Variants in GRIN2B observed in about 807,000 individuals in gnomAD.
The protein encoded by GRIN2B is glutamate receptor ionotropic, NMDA 2B.
GRIN2B carries 5 observed loss-of-function variants against 114.5 expected under a neutral mutation model. That is an observed-to-expected ratio of 0.04 (90% CI 0.02 to 0.09). The LOEUF is 0.09. Ranked by LOEUF, GRIN2B falls within the 10% of genes least tolerant of loss-of-function variation. The pLI is 1.00. For missense variants in GRIN2B, 1,108 were observed against 1,943.5 expected (o/e 0.57, Z 8.08); for synonymous variants, 787 against 745.1 (o/e 1.06, Z -0.92).
chr12:13,730,647 T>C (rs1050042809), intron 4 of GRIN2B, among the ~76,000 whole-genome samples: 1 of 152,104 alleles, frequency 6.6e-6, no homozygotes, highest in African/African-American at 2.4e-5. Flanking sequence ...TTAAGTTTCT[T>C]CCCCACCAAA....
rs1459772082 is a variant in GRIN2B, at chr12:13,780,942, A to G, written c.412-27027T>C. Among the ~76,000 whole-genome samples, 7 of 152,172 alleles carry G rather than the reference A, an allele frequency of 4.6e-5. No homozygotes were observed. In the South Asian group the frequency reaches 8.3e-4, roughly 18 times the overall value. ...ATGGAATAAATTTTATAGATGTAGT[A>G]TGAAACTATATTTTATTTTTCTTAA... On this transcript the variant is annotated intron_variant, in intron 3 of 13. Coordinates refer to ENST00000609686, the MANE Select transcript of GRIN2B (RefSeq NM_000834.5).
At position 13,961,164 on chromosome 12, in the gene GRIN2B, A is replaced by G. The variant is rs1044819879; in HGVS notation, c.-19+18764T>C. On this transcript the variant is annotated intron_variant, in intron 2 of 13. Coordinates refer to ENST00000609686, the MANE Select transcript of GRIN2B (RefSeq NM_000834.5). ...TATGCCTGCAAGTGGGTGGGTCAGT[A>G]CTGGAGAAGCTGAATTCCAGTTCGA... Among the ~76,000 whole-genome samples the G allele has an allele frequency of 7.2e-5, 11 of 152,066 alleles. No individual in the cohort carries two copies. In the East Asian group the frequency reaches 1.7e-3, roughly 24 times the overall value.
At chr12:13,806,043 T>C (rs1158144850) in intron 3 of GRIN2B, among the ~76,000 whole-genome samples, 1 of 152,200 alleles carries the variant, frequency 6.6e-6, no homozygotes, top group African/African-American at 2.4e-5. Flanking sequence ...ATCCATGTTA[T>C]TGTAAATGAC....
rs138700951 is a variant in GRIN2B at position 13,620,891 on chromosome 12, A to C, written c.1126-4234T>G. ...ATTTTTTTTTTTCGTTTCTTCAAGG[A>C]AATGAAAAAAAAATAAGAGGGAAAG... On this transcript the variant is annotated intron_variant, in intron 5 of 13. Coordinates refer to ENST00000609686, the MANE Select transcript of GRIN2B (RefSeq NM_000834.5). Among the ~76,000 whole-genome samples, 273 of 151,830 alleles carry C rather than the reference A, an allele frequency of 1.8e-3. 2 individuals carry two copies. The highest frequency in any genetic ancestry group is 6.3e-3 in the African/African-American group (261 of 41,408).
chr12:13,906,944 A>C (rs1038056849), intron 2 of GRIN2B, among the ~76,000 whole-genome samples: 12 of 152,254 alleles, frequency 7.9e-5, no homozygotes, highest in African/African-American at 2.2e-4. Context: ...AAGATACAGC[A>C]TACTAGGTTA....
chr12:13,913,596 C>G lies in GRIN2B; in HGVS notation c.-18-47370G>C, dbSNP rs138603530. Among the ~76,000 whole-genome samples, 16 of 152,292 alleles carry G rather than the reference C, an allele frequency of 1.1e-4. 1 individual carries two copies. The East Asian group carries it at 3.1e-3, about 29-fold the overall frequency. ...TGTCTGCTTGTCTGCAATATGCCAC[C>G]TGCAGGTGAGTTTTGTCTGGGCTTC... On this transcript the variant is annotated intron_variant, in intron 2 of 13. Transcript: ENST00000609686.
rs571934350 is a variant in GRIN2B, at chr12:13,645,535, C to T, written c.1126-28878G>A. Reference sequence around the variant, plus strand: ...AAATGGCAGCTGTAGACTTGCTCTACCCAGGACTGCCACAAATGCTCAATT... The same window carrying T: ...AAATGGCAGCTGTAGACTTGCTCTATCCAGGACTGCCACAAATGCTCAATT... On this transcript the variant is annotated intron_variant, in intron 5 of 13. Transcript: ENST00000609686. Among the ~76,000 whole-genome samples the T allele has an allele frequency of 3.3e-5, 5 of 152,136 alleles. No homozygotes were observed. In the East Asian group the frequency reaches 9.7e-4, roughly 29 times the overall value.
intron 5 of GRIN2B, among the ~76,000 whole-genome samples, chr12:13,655,585 C>T (rs768176351): frequency 9.8e-5 from 15 of 152,286 alleles, no homozygotes; most frequent in Non-Finnish European, 1.5e-5. Context: ...CTCTGGAATT[C>T]GACTGCATGG....
chr12:13,830,454 G>A (rs761384165), intron 3 of GRIN2B, among the ~76,000 whole-genome samples: 57 of 152,180 alleles, frequency 3.7e-4, no homozygotes, highest in Non-Finnish European at 7.4e-4. Flanking sequence ...GAACATGAGA[G>A]TCATAGAGAA....
chr12:13,845,297 TA>T (rs1769765945), intron 3 of GRIN2B, among the ~76,000 whole-genome samples: 1 of 152,196 alleles, frequency 6.6e-6, no homozygotes, highest in Non-Finnish European at 1.5e-5. Flanking sequence ...CAAATGTCAT[TA>T]ATATTAACTT....
intron 4 of GRIN2B, among the ~76,000 whole-genome samples, chr12:13,710,407 G>C (rs988173520): frequency 2.1e-4 from 32 of 152,030 alleles, no homozygotes; most frequent in Admixed American, 1.1e-3. Flanking sequence ...GGAAATAAAG[G>C]GTATTCAATT....
chr12:13,551,403 G>T lies in GRIN2B; in HGVS notation c.*11380C>A, dbSNP rs1948411696. Reference sequence around the variant, plus strand: ...CAACAGGACCTTAGAAGGCCACATGGATTCCATAGGGTAAAATGGGAAAAT... The same window carrying T: ...CAACAGGACCTTAGAAGGCCACATGTATTCCATAGGGTAAAATGGGAAAAT... On this transcript the variant is annotated 3_prime_UTR_variant, in exon 14 of 14. Coordinates refer to ENST00000609686, the MANE Select transcript of GRIN2B (RefSeq NM_000834.5). 1 of 152,166 alleles carries T rather than the reference G, an allele frequency of 6.6e-6. No homozygotes were observed. Among genetic ancestry groups the T allele is most frequent in the African/African-American group, 2.4e-5 (1 of 41,440 alleles). The allele number at this position is 152,166 out of a possible 1,614,324, so 9.4% of individuals were successfully genotyped here. A position where few individuals can be genotyped will look rare whatever the true frequency, so the allele number is the denominator to read the frequency against.
intron 2 of GRIN2B, among the ~76,000 whole-genome samples, chr12:13,945,062 G>T (rs1214399311): frequency 6.6e-6 from 1 of 152,160 alleles, no homozygotes; most frequent in Non-Finnish European, 1.5e-5. Context: ...CTTTTCTAGG[G>T]TGATGTGCTT....
intron 2 of GRIN2B, among the ~76,000 whole-genome samples, chr12:13,877,707 G>A (rs1179210988): frequency 2.0e-5 from 3 of 152,086 alleles, no homozygotes; most frequent in East Asian, 1.9e-4. Context: ...AAATGAACTG[G>A]TTCTTGAAGT....
intron 3 of GRIN2B, among the ~76,000 whole-genome samples, chr12:13,814,522 A>G (rs759695905): frequency 6.6e-6 from 1 of 152,248 alleles, no homozygotes; most frequent in African/African-American, 2.4e-5. Context: ...TTCAGTGAAT[A>G]ATGAGAATTG....
intron 2 of GRIN2B, among the ~76,000 whole-genome samples, chr12:13,967,590 TC>T (rs1343072536): frequency 2.0e-5 from 3 of 152,256 alleles, no homozygotes; most frequent in African/African-American, 7.2e-5. Flanking sequence ...GTAGCAGCCA[TC>T]CATTAAACAT....
intron 2 of GRIN2B, among the ~76,000 whole-genome samples, chr12:13,931,113 T>C (rs1867022469): frequency 6.6e-6 from 1 of 152,144 alleles, no homozygotes; most frequent in African/African-American, 2.4e-5. Flanking sequence ...CGTATAGAGG[T>C]GGTTTGAACA....
chr12:13,703,604 T>C (rs578107642), intron 4 of GRIN2B, among the ~76,000 whole-genome samples: 22 of 152,252 alleles, frequency 1.4e-4, no homozygotes, highest in African/African-American at 4.8e-4. Context: ...CACACACAAA[T>C]ATGCAATATA....
intron 2 of GRIN2B, among the ~76,000 whole-genome samples, chr12:13,902,996 T>C (rs1445391578): frequency 6.6e-6 from 1 of 152,158 alleles, no homozygotes; most frequent in African/African-American, 2.4e-5. Context: ...TATTCTCCAA[T>C]AATTTTTCTA....
Sources: allele counts gnomAD v4.1 joint callset (sites outside exome capture counted in the v4.1 genomes callset), GRCh38; gene constraint gnomAD v4.1.1; transcripts MANE v1.5; gene names NCBI Gene and HGNC (gene_info 2026-07-23, HGNC 2026-07-21).